The following KMT2A variants were observed in gnomAD, a reference collection of about 807,000 sequenced individuals.
KMT2A encodes histone-lysine N-methyltransferase 2A.
KMT2A carries 16 observed loss-of-function variants against 345.3 expected under a neutral mutation model. That is an observed-to-expected ratio of 0.05 (90% CI 0.03 to 0.07). The LOEUF is 0.07. KMT2A is among the 10% of genes least tolerant of loss of function. KMT2A has a pLI of 1.00. For synonymous variants in KMT2A, 1,599 were observed against 1,778.6 expected (o/e 0.90, Z 2.54); for missense variants, 3,272 against 4,841.6 (o/e 0.68, Z 9.62).
chr11:118,437,029 C>T (rs2134156102), intron 1 of KMT2A, 85 bp downstream of exon 1: 1 of 1,328,464 alleles, frequency 7.5e-7, no homozygotes, highest in African/African-American at 1.5e-5. Flanking sequence ...TGAGGAGCAT[C>T]CCAATTCTGG....
chr11:118,454,490 GT>G (rs1369355606), intron 1 of KMT2A, among the ~76,000 whole-genome samples: 1 of 152,172 alleles, frequency 6.6e-6, no homozygotes, highest in Non-Finnish European at 1.5e-5. Context: ...GGTTTGGCAA[GT>G]TTTTTTCTGC....
In KMT2A at chr11:118,490,091, C is replaced by T. The variant is rs373457908; in HGVS notation, c.4576-38C>T. 5 of 1,581,724 alleles carry T rather than the reference C, an allele frequency of 3.2e-6. No homozygotes were observed. The highest frequency in any genetic ancestry group is 1.7e-4 in the Middle Eastern group (1 of 5,938). On this transcript the variant is annotated intron_variant, in intron 12 of 35. Transcript: ENST00000534358. This position sits in a 1 kb window ranked among gnomAD's most constrained non-coding sequence, Gnocchi z 4.2. ...TTTAGTTAAGTAAAGATATTAAAAA[C>T]AAGAAATTCCTATTGAATTTCTTTT...
At position 118,468,829 on chromosome 11, in the gene KMT2A, A is replaced by T; in HGVS notation, c.487A>T (p.Thr163Ser). The T allele has an allele frequency of 6.2e-7, 1 of 1,613,264 alleles. No homozygotes were observed. Among genetic ancestry groups the T allele is most frequent in the Non-Finnish European group, 8.5e-7 (1 of 1,179,370 alleles). ...TGAAGAAGTCAGAGTGCGAAGTCCC[A>T]CAAGGTCTCCTTCAGGTACGGCCAA... The part of the protein sequence containing the change: ...SDEEVRVRSP[T>S]RSPSVKTSPR... The change falls in exon 2 of 36, where the codon ACA becomes TCA. Residue 163 changes from threonine to serine, a missense_variant. Physicochemically the swap from Thr to Ser is moderately conservative, Grantham distance 58. Coordinates refer to ENST00000534358, the MANE Select transcript of KMT2A (RefSeq NM_001197104.2).
intron 31 of KMT2A, among the ~76,000 whole-genome samples, chr11:118,515,450 T>C (rs185909130): frequency 3.7e-4 from 57 of 152,326 alleles, no homozygotes; most frequent in Admixed American, 4.6e-4. Flanking sequence ...GACAGACGTG[T>C]CAGGATTGAT....
At position 118,484,219 on chromosome 11, in the gene KMT2A, G is replaced by A; in HGVS notation, c.4123G>A (p.Gly1375Ser). 6.2e-7 allele frequency: 1 copy of A among 1,614,158 alleles called. No individual in the cohort carries two copies. Among genetic ancestry groups the A allele is most frequent in the Non-Finnish European group, 8.5e-7 (1 of 1,180,016 alleles). The change falls in exon 9 of 36, where the codon GGC becomes AGC. Residue 1375 changes from glycine to serine, a missense_variant. By Grantham distance (56) the Gly-to-Ser change is moderately conservative. Around this residue, in one of 27 missense-constraint regions of KMT2A, gnomAD observed 168 missense variants for 216.0 expected, o/e 0.78. Transcript: ENST00000534358. The surrounding 1 kb of genome is among the most constrained non-coding windows in gnomAD (Gnocchi z 4.1). ...TCCGGTCAATAAGCAGGAGAATGCA[G>A]GCACTTTGAACATCCTCAGCACTCT... is the stretch of plus-strand genomic sequence containing the variant. ...PPPVNKQENA[G>S]TLNILSTLSN...
rs1555045151 is a variant in KMT2A at position 118,499,868 on chromosome 11, A to G, written c.6113A>G (p.Asn2038Ser). 2 of 1,612,894 alleles carry G rather than the reference A, an allele frequency of 1.2e-6. No homozygotes were observed. The highest frequency in any genetic ancestry group is 1.7e-5 in the Admixed American group (1 of 60,012). Residue 2038 changes from asparagine to serine, a missense_variant, in exon 24 of 36, where the codon AAT becomes AGT. Asn to Ser is a conservative substitution (Grantham distance 46). This residue lies in a region of KMT2A where 235 missense variants were observed against 503.4 expected (regional missense o/e 0.47). Coordinates refer to ENST00000534358, the MANE Select transcript of KMT2A (RefSeq NM_001197104.2). Reference sequence around the variant, plus strand: ...ACAATCGACTGCTTAGGAATTCTAAATGATCTCTCCGACTGTGAAGATAAG... The same window carrying G: ...ACAATCGACTGCTTAGGAATTCTAAGTGATCTCTCCGACTGTGAAGATAAG... ...SMTIDCLGIL[N>S]DLSDCEDKLF... is the part of the protein sequence containing the mutation.
Position 118,498,346 on chromosome 11 carries a change from ACT to A in KMT2A, c.5803-21_5803-20del. The A allele has an allele frequency of 1.2e-6, 2 of 1,601,948 alleles. No homozygotes were observed. Among genetic ancestry groups the A allele is most frequent in the Non-Finnish European group, 1.7e-6 (2 of 1,175,646 alleles). ...TAAAACATATGAAAGTCTGAATAGG[ACT>A]CTGTTCTTTTTGGATTTTTAGAGAT... On this transcript the variant is annotated intron_variant, in intron 21 of 35. Transcript: ENST00000534358. This position sits in a 1 kb window ranked among gnomAD's most constrained non-coding sequence, Gnocchi z 4.4.
In KMT2A at chr11:118,510,911, GGAA is replaced by G. The variant is rs797035803; in HGVS notation, c.11071+801_11071+803del. ...GCAAAGAAGAATGCAGGGCTCTCTA[GGAA>G]GAAGAAGGGAGGTAAGCAAAGTTAG... On this transcript the variant is annotated intron_variant, in intron 30 of 35. Transcript: ENST00000534358. The surrounding 1 kb of genome is among the most constrained non-coding windows in gnomAD (Gnocchi z 4.1). 2.6e-5 allele frequency among the ~76,000 whole-genome samples: 4 copies of G among 152,280 alleles called. No individual in the cohort carries two copies. The highest frequency in any genetic ancestry group is 2.1e-4 in the South Asian group (1 of 4,830).
intron 1 of KMT2A, chr11:118,449,861 A>T (rs934917049): frequency 1.2e-4 from 18 of 152,186 alleles, no homozygotes; most frequent in African/African-American, 4.3e-4. Context: ...CAACAAACGG[A>T]AGAAAAAAAC....
chr11:118,444,915 T>G (rs1235348465), intron 1 of KMT2A, among the ~76,000 whole-genome samples: 1 of 152,148 alleles, frequency 6.6e-6, no homozygotes, highest in Non-Finnish European at 1.5e-5. Flanking sequence ...GTTTCTTCAT[T>G]TGTAACTGAG....
rs1950996366 is a variant in KMT2A, at chr11:118,522,702, C to T, written c.*530C>T. ...TACTATCCTCCCACTCGAGAGTTCACTTCTGGTTGGGAGACAGGATTCCTA... is the reference window on the plus strand; with the variant it reads ...TACTATCCTCCCACTCGAGAGTTCATTTCTGGTTGGGAGACAGGATTCCTA... On this transcript the variant is annotated 3_prime_UTR_variant, in exon 36 of 36. Coordinates refer to ENST00000534358, the MANE Select transcript of KMT2A (RefSeq NM_001197104.2). The surrounding 1 kb of genome is among the most constrained non-coding windows in gnomAD (Gnocchi z 5.4). 4.6e-6 allele frequency: 1 copy of T among 216,654 alleles called. No homozygotes were observed. The highest frequency in any genetic ancestry group is 9.3e-6 in the Non-Finnish European group (1 of 107,280). The allele number at this position is 216,654 out of a possible 1,614,324, so 13.4% of individuals were successfully genotyped here. A position where few individuals can be genotyped will look rare whatever the true frequency, so the allele number is the denominator to read the frequency against.
At chr11:118,469,761 C>T (rs1425916583) in intron 2 of KMT2A, among the ~76,000 whole-genome samples, 1 of 152,182 alleles carries the variant, frequency 6.6e-6, no homozygotes, top group African/African-American at 2.4e-5. Flanking sequence ...TTGACATTGA[C>T]TTAGCTTGTG....
intron 31 of KMT2A, among the ~76,000 whole-genome samples, chr11:118,516,140 C>G (rs1022998395): frequency 6.6e-6 from 1 of 152,146 alleles, no homozygotes; most frequent in East Asian, 1.9e-4. Flanking sequence ...AGTGCTGCCA[C>G]CTTGTCCTTA....
rs2135316317 is a variant in KMT2A at position 118,525,873 on chromosome 11, T to C, written c.*3701T>C. 1 of 222,606 alleles carries C rather than the reference T, an allele frequency of 4.5e-6. No homozygotes were observed. Among genetic ancestry groups the C allele is most frequent in the African/African-American group, 2.2e-5 (1 of 44,792 alleles). The allele number at this position is 222,606 out of a possible 1,614,324, so 13.8% of individuals were successfully genotyped here. A position where few individuals can be genotyped will look rare whatever the true frequency, so the allele number is the denominator to read the frequency against. ...TTTCATTTCCTTCATTTTAAAGCAATACAAGGTTATGGAGCAGATGGTTTT... is the reference window on the plus strand; with the variant it reads ...TTTCATTTCCTTCATTTTAAAGCAACACAAGGTTATGGAGCAGATGGTTTT... On this transcript the variant is annotated 3_prime_UTR_variant, in exon 36 of 36. Coordinates refer to ENST00000534358, the MANE Select transcript of KMT2A (RefSeq NM_001197104.2).
intron 1 of KMT2A, among the ~76,000 whole-genome samples, chr11:118,463,124 A>AT (rs72218407): frequency 0.013 from 1,845 of 146,564 alleles, 35 homozygotes; most frequent in African/African-American, 0.036. Flanking sequence ...ATTTATCTTT[A>AT]TTTTTTTTTT....
At chr11:118,501,970 C>T (rs1463041292) in intron 26 of KMT2A, 113 bp downstream of exon 26, 4 of 946,108 alleles carry the variant, frequency 4.2e-6, no homozygotes, top group Non-Finnish European at 4.6e-6. Context: ...ATGTAGATTC[C>T]GGGTGGGTGA....
chr11:118,466,120 C>A (rs1014772030), intron 1 of KMT2A, among the ~76,000 whole-genome samples: 1 of 151,786 alleles, frequency 6.6e-6, no homozygotes, highest in Admixed American at 6.6e-5. Flanking sequence ...TCACTTGAGC[C>A]CAGAAGTTTG....
At chr11:118,507,716 G>A in intron 28 of KMT2A, 107 bp downstream of exon 28, 3 of 862,146 alleles carry the variant, frequency 3.5e-6, no homozygotes, top group South Asian at 1.5e-5. Flanking sequence ...TGTAATCCTA[G>A]TAGTCTGGGA....
chr11:118,517,018 A>G lies in KMT2A; in HGVS notation c.11147-2600A>G, dbSNP rs1565314742. On this transcript the variant is annotated intron_variant, in intron 31 of 35. Coordinates refer to ENST00000534358, the MANE Select transcript of KMT2A (RefSeq NM_001197104.2). ...ACTTGAGTATGTAGTATGTTTTTCA[A>G]TGTCTTTTTTTTTTAACCTAAGAAT... Among the ~76,000 whole-genome samples the G allele has an allele frequency of 1.3e-5, 2 of 152,154 alleles. 1 individual carries two copies. Among genetic ancestry groups the G allele is most frequent in the South Asian group, 4.1e-4 (2 of 4,834 alleles).
Sources: allele counts gnomAD v4.1 joint callset (sites outside exome capture counted in the v4.1 genomes callset), GRCh38; gene constraint gnomAD v4.1.1; regional missense constraint gnomAD v4.1.1; non-coding constraint Gnocchi (gnomAD v3.1); transcripts MANE v1.5; gene names NCBI Gene and HGNC (gene_info 2026-07-23, HGNC 2026-07-21).